ZNF610: variants seen among roughly 807,000 people sequenced by gnomAD.
ZNF610 encodes zinc finger protein 610.
Under a neutral mutation model 14.1 loss-of-function variants are expected in ZNF610, and 14 were observed. That is an observed-to-expected ratio of 0.99 (90% CI 0.65 to 1.55). The LOEUF (loss-of-function observed/expected upper bound fraction) is 1.55, where lower values mean the gene tolerates loss of function less well. Ranked by LOEUF, ZNF610 falls within the 40% of genes most tolerant of loss-of-function variation. The pLI is 0.00. For synonymous variants in ZNF610, 185 were observed against 187.6 expected (o/e 0.99, Z 0.11); for missense variants, 530 against 558.0 (o/e 0.95, Z 0.51).
At chr19:52,353,313 A>G (rs1230945617) in intron 3 of ZNF610, among the ~76,000 whole-genome samples, 1 of 152,236 alleles carries the variant, frequency 6.6e-6, no homozygotes, top group African/African-American at 2.4e-5. Flanking sequence ...AAATAAATCA[A>G]TAAACTCCAT....
At chr19:52,359,572 T>C (rs1452796785) in intron 5 of ZNF610, among the ~76,000 whole-genome samples, 1 of 152,220 alleles carries the variant, frequency 6.6e-6, no homozygotes, top group Non-Finnish European at 1.5e-5. Context: ...GATTTTGATA[T>C]CTGAGAGTGT....
At chr19:52,335,914 C>G (rs1331240962), upstream of ZNF610, among the ~76,000 whole-genome samples, 1 of 152,216 alleles carries the variant, frequency 6.6e-6, no homozygotes, top group Non-Finnish European at 1.5e-5. Flanking sequence ...TACGCCCAGG[C>G]TGGAGTGCAG....
intron 3 of ZNF610, among the ~76,000 whole-genome samples, chr19:52,351,596 T>A (rs1985255294): frequency 6.6e-6 from 1 of 152,106 alleles, no homozygotes; most frequent in Non-Finnish European, 1.5e-5. Context: ...CTCTGGACTT[T>A]GCTTGTCACC....
chr19:52,339,294 A>ATCC (rs945445637), intron 1 of ZNF610, among the ~76,000 whole-genome samples: 4 of 151,802 alleles, frequency 2.6e-5, no homozygotes, highest in African/African-American at 4.8e-5. Flanking sequence ...TCTTTCACTA[A>ATCC]TCCTCAGCAC....
chr19:52,331,994 C>T (rs1487279235), upstream of ZNF610, among the ~76,000 whole-genome samples: 2 of 152,148 alleles, frequency 1.3e-5, no homozygotes, highest in Non-Finnish European at 2.9e-5. Flanking sequence ...CATCCAAACT[C>T]GGGACTATGA....
intron 5 of ZNF610, among the ~76,000 whole-genome samples, chr19:52,358,029 C>G (rs1985613667): frequency 6.6e-6 from 1 of 151,984 alleles, no homozygotes; most frequent in Non-Finnish European, 1.5e-5. Flanking sequence ...TTTATAGAAG[C>G]TTTATTATAT....
At chr19:52,330,999 C>T in the ZNF610 span, among the ~76,000 whole-genome samples, 2 of 152,136 alleles carry the variant, frequency 1.3e-5, no homozygotes, top group Non-Finnish European at 2.9e-5. Context: ...TTCCAAATAA[C>T]TCTTGTAGAC....
chr19:52,354,418 T>A (rs1456093650), intron 5 of ZNF610, 39 bp downstream of exon 5: 3 of 1,592,412 alleles, frequency 1.9e-6, no homozygotes, highest in Admixed American at 1.8e-5. Context: ...CCATAGTTTT[T>A]ATTTTTTTAT....
At position 52,365,763 on chromosome 19, in the gene ZNF610, CT is replaced by C; in HGVS notation, c.387del (p.Glu130ArgfsTer95). 10 of 1,613,880 alleles carry C rather than the reference CT, an allele frequency of 6.2e-6. No homozygotes were observed. The highest frequency in any genetic ancestry group is 8.5e-6 in the Non-Finnish European group (10 of 1,179,984). The part of the protein sequence containing the change: ...KPIKNQLGLT[L>X]EAHLSELQLF... ...TATTAAAAATCAACTTGGATTAACC[CT>C]TGAGGCACATCTGTCTGAATTGCAG... On this transcript the variant is annotated frameshift_variant, in exon 6 of 6. Coordinates refer to ENST00000403906, the MANE Select transcript of ZNF610 (RefSeq NM_001161425.2). LOFTEE classifies it low-confidence loss of function (END_TRUNC).
intron 1 of ZNF610, among the ~76,000 whole-genome samples, chr19:52,339,039 T>G (rs945568689): frequency 1.3e-5 from 2 of 151,820 alleles, no homozygotes; most frequent in African/African-American, 2.4e-5. Context: ...CAGGAAAACA[T>G]ACGAACCAAG....
chr19:52,366,456 G>GC lies in ZNF610; in HGVS notation c.1079dup (p.Arg361ThrfsTer7). On this transcript the variant is annotated frameshift_variant, in exon 6 of 6. Transcript: ENST00000403906. LOFTEE classifies it low-confidence loss of function (END_TRUNC). ...GGTCTTTAGTCTGCTTTCATACCTTGCACGGCATCAAATAATTCATAGTAC... is the reference window on the plus strand; with the variant it reads ...GGTCTTTAGTCTGCTTTCATACCTTGCCACGGCATCAAATAATTCATAGTAC... The GC allele has an allele frequency of 6.2e-7, 1 of 1,613,904 alleles. No individual in the cohort carries two copies. Among genetic ancestry groups the GC allele is most frequent in the East Asian group, 2.2e-5 (1 of 44,868 alleles).
chr19:52,357,551 C>T (rs1256541622), intron 5 of ZNF610, among the ~76,000 whole-genome samples: 2 of 148,198 alleles, frequency 1.3e-5, no homozygotes, highest in African/African-American at 2.5e-5. Context: ...AGGCTGAGCC[C>T]GGAGAATGGC....
chr19:52,361,874 T>C (rs1985798437), intron 5 of ZNF610, among the ~76,000 whole-genome samples: 1 of 152,166 alleles, frequency 6.6e-6, no homozygotes, highest in African/African-American at 2.4e-5. Context: ...TTAGTTTGGT[T>C]TTTTTTATAC....
intron 3 of ZNF610, among the ~76,000 whole-genome samples, chr19:52,350,094 G>A (rs1286428565): frequency 1.3e-5 from 2 of 152,124 alleles, no homozygotes; most frequent in African/African-American, 4.8e-5. Flanking sequence ...TCTGTGTTAG[G>A]TGAAAAAAGC....
In ZNF610 at chr19:52,360,305, T is replaced by C. The variant is rs1249620237; in HGVS notation, c.320-5393T>C. ...CTGGGGCCTACCGTACCCAACACTA[T>C]AACAGAAGACTGTAGCAAAGGCTAT... On this transcript the variant is annotated intron_variant, in intron 5 of 5. Transcript: ENST00000403906. Among the ~76,000 whole-genome samples the C allele has an allele frequency of 3.9e-5, 6 of 152,108 alleles. No individual in the cohort carries two copies. The East Asian group carries it at 9.7e-4, about 24-fold the overall frequency.
Position 52,366,643 on chromosome 19 carries a change from A to C in ZNF610, c.1265A>C (p.His422Pro), listed in dbSNP as rs756361624. 1 of 1,614,134 alleles carries C rather than the reference A, an allele frequency of 6.2e-7. No individual in the cohort carries two copies. The highest frequency in any genetic ancestry group is 1.7e-5 in the Admixed American group (1 of 60,004). Residue 422 changes from histidine (H) to proline (P), a missense_variant, in exon 6 of 6, where the codon CAT (histidine) becomes CCT (proline). Physicochemically the swap from His to Pro is moderately conservative, Grantham distance 77. Transcript: ENST00000403906. ...KLYLTNHQRI[H>P]TGERPYKCNA... ...TACCTAACCAACCATCAGAGAATTC[A>C]TACTGGAGAGAGACCTTACAAGTGT...
upstream of ZNF610, among the ~76,000 whole-genome samples, chr19:52,332,210 T>C (rs1419911743): frequency 6.6e-6 from 1 of 152,210 alleles, no homozygotes. The surrounding 1 kb of genome is among the most constrained non-coding windows in gnomAD (Gnocchi z 4.1). Context: ...AGAAACATTA[T>C]TTGCAGTTGT....
At chr19:52,336,716 C>T (rs528218555) in intron 1 of ZNF610, among the ~76,000 whole-genome samples, 1 of 152,276 alleles carries the variant, frequency 6.6e-6, no homozygotes, top group South Asian at 2.1e-4. Context: ...CCTTGAGACC[C>T]CACACTTCTA....
chr19:52,339,458 G>A (rs1984560731), intron 1 of ZNF610, among the ~76,000 whole-genome samples: 1 of 151,972 alleles, frequency 6.6e-6, no homozygotes, highest in Non-Finnish European at 1.5e-5. Context: ...TGTGTCCCTG[G>A]GTACTCGAGA....
Sources: gnomAD v4.1 joint callset for allele counts (sites outside exome capture counted in the v4.1 genomes callset) on GRCh38, gnomAD v4.1.1 for gene constraint, Gnocchi (gnomAD v3.1) non-coding constraint, MANE v1.5 for transcripts, NCBI Gene and HGNC (gene_info 2026-07-23, HGNC 2026-07-21) for gene names.